The following ITGA8 variants were observed in gnomAD, a reference collection of about 807,000 sequenced individuals.
ITGA8 encodes integrin subunit alpha 8.
In ITGA8, 91 loss-of-function variants were observed where a neutral mutation model predicts 142.3. The ratio of observed to expected loss-of-function variants is 0.64; its 90% CI spans 0.54 to 0.76. The LOEUF (loss-of-function observed/expected upper bound fraction) is 0.76. Among genes scored for constraint, ITGA8 ranks in the 30% least tolerant of loss-of-function variants. The pLI is 0.00. For missense variants in ITGA8, 1,406 were observed against 1,327.7 expected (o/e 1.06, Z -0.92); for synonymous variants, 505 against 485.2 (o/e 1.04, Z -0.54).
At chr10:15,561,650 C>G (rs112922520) in intron 25 of ITGA8, among the ~76,000 whole-genome samples, 3 of 151,940 alleles carry the variant, frequency 2.0e-5, no homozygotes, top group Non-Finnish European at 4.4e-5. Flanking sequence ...GTTGAAGATA[C>G]GGGAAATGGA....
chr10:15,678,583 G>T (rs750012599), intron 5 of ITGA8, 139 bp downstream of exon 5: 2 of 535,800 alleles, frequency 3.7e-6, no homozygotes, highest in Non-Finnish European at 6.7e-6. Context: ...GAAAGCATTT[G>T]CCCAAACAGG....
chr10:15,579,240 T>G (rs1424073023), intron 23 of ITGA8, among the ~76,000 whole-genome samples: 1 of 152,098 alleles, frequency 6.6e-6, no homozygotes, highest in Non-Finnish European at 1.5e-5. Flanking sequence ...TAATCTGTGG[T>G]CAATTGTTGG....
chr10:15,623,192 T>A (rs1042738550), intron 13 of ITGA8, among the ~76,000 whole-genome samples: 1 of 152,194 alleles, frequency 6.6e-6, no homozygotes, highest in South Asian at 2.1e-4. Flanking sequence ...GCTACAACAA[T>A]CCTATGAGAA....
Position 15,573,023 on chromosome 10 carries a change from T to C in ITGA8, c.2479-654A>G, listed in dbSNP as rs554033494. On this transcript the variant is annotated intron_variant, in intron 24 of 29. Coordinates refer to ENST00000378076, the MANE Select transcript of ITGA8 (RefSeq NM_003638.3). ...GTTTGCCCAAAACACTAAGTGCATTTACATTTATTCCAGTGTTTTAAAAAT... is the reference window on the plus strand; with the variant it reads ...GTTTGCCCAAAACACTAAGTGCATTCACATTTATTCCAGTGTTTTAAAAAT... Among the ~76,000 whole-genome samples the C allele has an allele frequency of 2.0e-5, 3 of 152,374 alleles. No homozygotes were observed. The East Asian group carries it at 5.8e-4, about 29-fold the overall frequency.
intron 3 of ITGA8, among the ~76,000 whole-genome samples, chr10:15,687,098 C>T (rs1834845642): frequency 6.6e-6 from 1 of 152,140 alleles, no homozygotes; most frequent in South Asian, 2.1e-4. Flanking sequence ...TGTTGGATTT[C>T]TTAACTGGAG....
At chr10:15,649,605 G>A (rs1315242685) in intron 11 of ITGA8, among the ~76,000 whole-genome samples, 2 of 134,040 alleles carry the variant, frequency 1.5e-5, no homozygotes, top group Non-Finnish European at 3.1e-5. Context: ...GGCAGAGTGA[G>A]ACTCCGTCTC....
chr10:15,564,586 A>G (rs934528069), intron 25 of ITGA8, among the ~76,000 whole-genome samples: 3 of 152,218 alleles, frequency 2.0e-5, no homozygotes, highest in Non-Finnish European at 4.4e-5. Flanking sequence ...CCCAACAGGA[A>G]TTTTCTATTT....
intron 13 of ITGA8, among the ~76,000 whole-genome samples, chr10:15,637,041 A>G (rs140978744): frequency 1.4e-3 from 208 of 152,290 alleles, no homozygotes; most frequent in Admixed American, 2.6e-3. Context: ...GTTACTTGGG[A>G]GTCTGAGGCA....
intron 3 of ITGA8, among the ~76,000 whole-genome samples, chr10:15,687,186 A>G (rs1018414781): frequency 1.3e-5 from 2 of 152,162 alleles, no homozygotes; most frequent in Non-Finnish European, 2.9e-5. Flanking sequence ...AAAGTAAGGC[A>G]TTTCCTTTAG....
chr10:15,697,500 T>C (rs1588733512), intron 2 of ITGA8, among the ~76,000 whole-genome samples: 1 of 152,320 alleles, frequency 6.6e-6, no homozygotes, highest in East Asian at 1.9e-4. Context: ...AATAATGTCA[T>C]GAATAATACA....
At chr10:15,579,212 T>C (rs531279677) in intron 23 of ITGA8, among the ~76,000 whole-genome samples, 1 of 152,228 alleles carries the variant, frequency 6.6e-6, no homozygotes, top group South Asian at 2.1e-4. Flanking sequence ...AAAAGGATTT[T>C]AGCACAGTCT....
chr10:15,671,879 CAAAAAAAAA>C (rs34588118), intron 7 of ITGA8, among the ~76,000 whole-genome samples: 4 of 79,714 alleles, frequency 5.0e-5, no homozygotes, highest in African/African-American at 2.1e-4. Flanking sequence ...AGGAGCAAAG[CAAAAAAAAA>C]AAAAAAAAAA....
intron 2 of ITGA8, among the ~76,000 whole-genome samples, chr10:15,708,546 A>G (rs1415725754): frequency 1.3e-5 from 2 of 152,208 alleles, no homozygotes; most frequent in Non-Finnish European, 2.9e-5. Context: ...CAATAACTGT[A>G]TATTTGAACT....
Position 15,531,046 on chromosome 10 carries a change from T to G in ITGA8, c.2982+4A>C. ...TGTGCCTATATATATTTAAAGATAC[T>G]CACTACTATGCTTCCTTCTGGGAGT... On this transcript the variant is annotated splice_donor_region_variant and intron_variant, in intron 28 of 29. Coordinates refer to ENST00000378076, the MANE Select transcript of ITGA8 (RefSeq NM_003638.3). The G allele has an allele frequency of 7.4e-7, 1 of 1,346,790 alleles. No homozygotes were observed. The allele number at this position is 1,346,790 out of a possible 1,614,324, so 83.4% of individuals were successfully genotyped here. A position where few individuals can be genotyped will look rare whatever the true frequency, so the allele number is the denominator to read the frequency against.
chr10:15,672,957 T>C (rs1029576075), intron 6 of ITGA8, among the ~76,000 whole-genome samples: 3 of 152,194 alleles, frequency 2.0e-5, no homozygotes, highest in Admixed American at 6.5e-5. Flanking sequence ...TGAACTACAA[T>C]ATTTTATTGG....
chr10:15,712,188 ATTATT>A (rs1445704198), intron 2 of ITGA8, among the ~76,000 whole-genome samples: 1 of 152,242 alleles, frequency 6.6e-6, no homozygotes, highest in Non-Finnish European at 1.5e-5. Context: ...AAAAATAAAA[ATTATT>A]TTAAAATGCT....
intron 22 of ITGA8, 71 bp downstream of exon 22, chr10:15,592,154 A>T (rs1214830402): frequency 1.8e-6 from 2 of 1,142,558 alleles, no homozygotes; most frequent in Admixed American, 2.0e-5. Context: ...GCCTTGACAG[A>T]TGACATCATT....
At chr10:15,608,327 T>C in intron 15 of ITGA8, 37 bp from the exon 16 acceptor site, 3 of 1,379,172 alleles carry the variant, frequency 2.2e-6, no homozygotes, top group Non-Finnish European at 2.0e-6. Context: ...GTTAATAAAG[T>C]TTTGAATCTA....
rs1329836317 is a variant in ITGA8, at chr10:15,621,383, G to GA, written c.1400-4825dup. Among the ~76,000 whole-genome samples the GA allele has an allele frequency of 1.4e-4, 21 of 148,512 alleles. No homozygotes were observed. In the East Asian group the frequency reaches 1.8e-3, roughly 12 times the overall value. Reference sequence around the variant, plus strand: ...GCATGAATGCAGGATCAGTTGGCAAGAAAAAAAAACCCTAAAAATGTGAGG... The same window carrying GA: ...GCATGAATGCAGGATCAGTTGGCAAGAAAAAAAAAACCCTAAAAATGTGAGG... On this transcript the variant is annotated intron_variant, in intron 13 of 29. Coordinates refer to ENST00000378076, the MANE Select transcript of ITGA8 (RefSeq NM_003638.3).
Sources: allele counts gnomAD v4.1 joint callset (sites outside exome capture counted in the v4.1 genomes callset), GRCh38; gene constraint gnomAD v4.1.1; transcripts MANE v1.5; gene names NCBI Gene and HGNC (gene_info 2026-07-23, HGNC 2026-07-21).